Variants in GPC5 observed in about 807,000 individuals in gnomAD.
GPC5 encodes the protein glypican-5.
In GPC5, 47 loss-of-function variants were observed where a neutral mutation model predicts 53.9. That is an observed-to-expected ratio of 0.87 (90% CI 0.69 to 1.11). GPC5 has a LOEUF of 1.11. Ranked by LOEUF, GPC5 falls within the 50% of genes most tolerant of loss-of-function variation. The pLI is 0.00. For missense variants in GPC5, 748 were observed against 713.1 expected (o/e 1.05, Z -0.56); for synonymous variants, 286 against 263.3 (o/e 1.09, Z -0.84).
chr13:92,713,839 T>C (rs1029706828), intron 7 of GPC5, among the ~76,000 whole-genome samples: 1 of 152,132 alleles, frequency 6.6e-6, no homozygotes, highest in Non-Finnish European at 1.5e-5. Context: ...AATGGATCAC[T>C]CATATGTTGC....
chr13:91,656,580 A>C (rs1024402785), intron 2 of GPC5, among the ~76,000 whole-genome samples: 1 of 152,190 alleles, frequency 6.6e-6, no homozygotes, highest in Admixed American at 6.6e-5. Context: ...AAAAAACAAC[A>C]AAAATATGTG....
intron 6 of GPC5, among the ~76,000 whole-genome samples, chr13:92,048,759 C>A (rs1309792426): frequency 6.6e-6 from 1 of 152,110 alleles, no homozygotes; most frequent in Non-Finnish European, 1.5e-5. Context: ...ATCAGATTGT[C>A]TTTCATATAT....
chr13:92,124,722 AAT>A (rs1317112708), intron 6 of GPC5, among the ~76,000 whole-genome samples: 4 of 152,156 alleles, frequency 2.6e-5, no homozygotes, highest in Non-Finnish European at 5.9e-5. Flanking sequence ...TGCATCAACT[AAT>A]ATACTCTGGG....
At chr13:91,983,182 A>G (rs1173144780) in intron 6 of GPC5, among the ~76,000 whole-genome samples, 1 of 152,074 alleles carries the variant, frequency 6.6e-6, no homozygotes, top group African/African-American at 2.4e-5. Flanking sequence ...CGTCTCTACT[A>G]AAAATACAAA....
chr13:92,169,961 T>C (rs1286772318), intron 7 of GPC5, among the ~76,000 whole-genome samples: 1 of 151,958 alleles, frequency 6.6e-6, no homozygotes, highest in Non-Finnish European at 1.5e-5. Flanking sequence ...AAATATTATT[T>C]TTATATATCT....
intron 7 of GPC5, among the ~76,000 whole-genome samples, chr13:92,328,689 T>A (rs576967578): frequency 6.6e-6 from 1 of 152,246 alleles, no homozygotes; most frequent in African/African-American, 2.4e-5. Context: ...CACTCCATGT[T>A]CATGGAAAGA....
At chr13:91,740,865 A>G (rs1261065433) in intron 4 of GPC5, among the ~76,000 whole-genome samples, 3 of 152,206 alleles carry the variant, frequency 2.0e-5, no homozygotes, top group African/African-American at 7.2e-5. Flanking sequence ...GCTATTAGCA[A>G]GCTTAAATCG....
intron 7 of GPC5, among the ~76,000 whole-genome samples, chr13:92,520,151 A>G (rs1880978342): frequency 6.6e-6 from 1 of 152,144 alleles, no homozygotes; most frequent in Non-Finnish European, 1.5e-5. Context: ...CCTACCAACC[A>G]AAAAAAGTCC....
intron 5 of GPC5, among the ~76,000 whole-genome samples, chr13:91,885,212 G>T (rs114773718): frequency 1.3e-5 from 2 of 151,964 alleles, no homozygotes; most frequent in African/African-American, 4.8e-5. Flanking sequence ...TGGATATACC[G>T]TCTCTTTGTA....
intron 2 of GPC5, among the ~76,000 whole-genome samples, chr13:91,637,313 T>G (rs962613875): frequency 1.3e-5 from 2 of 152,222 alleles, no homozygotes; most frequent in African/African-American, 2.4e-5. Context: ...TGTGGTCAGG[T>G]TCAAATATCT....
chr13:92,496,074 G>T (rs1480540522), intron 7 of GPC5, among the ~76,000 whole-genome samples: 1 of 152,014 alleles, frequency 6.6e-6, no homozygotes. Context: ...CCACAATGGA[G>T]TGCTTTCTGT....
At chr13:92,453,294 A>C (rs1267328996) in intron 7 of GPC5, among the ~76,000 whole-genome samples, 1 of 152,198 alleles carries the variant, frequency 6.6e-6, no homozygotes, top group Non-Finnish European at 1.5e-5. Flanking sequence ...CTAATGAAAA[A>C]TCATTCCAAA....
At chr13:91,599,813 A>C (rs2033117527) in intron 2 of GPC5, among the ~76,000 whole-genome samples, 2 of 152,216 alleles carry the variant, frequency 1.3e-5, no homozygotes, top group Admixed American at 1.3e-4. Flanking sequence ...CTAGCACCTA[A>C]AAGTCTAATG....
intron 7 of GPC5, among the ~76,000 whole-genome samples, chr13:92,152,171 G>T (rs1192114585): frequency 2.6e-5 from 4 of 152,142 alleles, no homozygotes; most frequent in Non-Finnish European, 4.4e-5. Flanking sequence ...TATTTAATTT[G>T]CTGGGCAAAG....
chr13:91,422,575 G>A (rs924861643), intron 1 of GPC5, among the ~76,000 whole-genome samples: 1 of 152,100 alleles, frequency 6.6e-6, no homozygotes, highest in African/African-American at 2.4e-5. Flanking sequence ...GGCAGAGTTT[G>A]CAGTGAGCCC....
At chr13:92,801,625 T>G (rs1038987988) in intron 7 of GPC5, among the ~76,000 whole-genome samples, 1 of 151,802 alleles carries the variant, frequency 6.6e-6, no homozygotes, top group Non-Finnish European at 1.5e-5. Flanking sequence ...GACAGCTTCC[T>G]GTATGTTCTT....
intron 7 of GPC5, among the ~76,000 whole-genome samples, chr13:92,221,321 C>T (rs145814661): frequency 0.028 from 4,327 of 152,246 alleles, 96 homozygotes; most frequent in Middle Eastern, 0.058. Context: ...CTTTCTATTG[C>T]TTTGTCTTAT....
intron 2 of GPC5, among the ~76,000 whole-genome samples, chr13:91,516,581 G>C (rs1198606315): frequency 6.6e-6 from 1 of 152,148 alleles, no homozygotes; most frequent in Non-Finnish European, 1.5e-5. Flanking sequence ...GGGTTTTCCA[G>C]GTGCAAGTTG....
intron 1 of GPC5, among the ~76,000 whole-genome samples, chr13:91,435,037 T>A (rs1195281215): frequency 1.3e-5 from 2 of 152,228 alleles, no homozygotes; most frequent in African/African-American, 2.4e-5. Flanking sequence ...ACATTGATTT[T>A]GTATGCTGAG....
Sources: allele counts gnomAD v4.1 joint callset (sites outside exome capture counted in the v4.1 genomes callset), GRCh38; gene constraint gnomAD v4.1.1; transcripts MANE v1.5; gene names NCBI Gene and HGNC (gene_info 2026-07-23, HGNC 2026-07-21).